The following RMI1 variants were observed in gnomAD, a reference collection of about 807,000 sequenced individuals.
RMI1 encodes the protein recQ-mediated genome instability protein 1.
In RMI1, 36 loss-of-function variants were observed where a neutral mutation model predicts 46.7. The observed-to-expected ratio is 0.77, with a 90% CI of 0.59 to 1.02. RMI1 has a LOEUF of 1.02. RMI1 is among the 50% of genes least tolerant of loss of function. RMI1 has a pLI of 0.00. For missense variants in RMI1, 676 were observed against 713.7 expected, an observed-to-expected ratio of 0.95 and a Z score of 0.60; for synonymous variants, 250 against 252.9, an observed-to-expected ratio of 0.99 and a Z score of 0.11.
chr9:83,993,647 A>AT (rs1957606527), intron 1 of RMI1, among the ~76,000 whole-genome samples: 3 of 151,968 alleles, frequency 2.0e-5, no homozygotes, highest in African/African-American at 7.2e-5. Context: ...AATACTTGTT[A>AT]TTTTCTGGTT....
Position 84,001,724 on chromosome 9 carries a change from A to T in RMI1, c.738A>T (p.Glu246Asp). ...CTGCATTAGGTCCTTCTGATGAAGA[A>T]CTCTTGGCAAGTCTTGATGAAAATG... is the stretch of plus-strand genomic sequence containing the variant. ...LDPALGPSDE[E>D]LLASLDENDE... Residue 246 changes from glutamate (E) to aspartate (D), a missense_variant, in exon 3 of 3, where the codon GAA becomes GAT. Physicochemically the swap from Glu to Asp is conservative, Grantham distance 45 (BLOSUM62 2). Coordinates refer to ENST00000445877, the MANE Select transcript of RMI1 (RefSeq NM_001358291.2). The T allele has an allele frequency of 6.2e-7, 1 of 1,613,892 alleles. No homozygotes were observed. Among genetic ancestry groups the T allele is most frequent in the Non-Finnish European group, 8.5e-7 (1 of 1,179,970 alleles).
In RMI1 at chr9:84,001,978, T is replaced by C; in HGVS notation, c.992T>C (p.Met331Thr). Residue 331 changes from methionine to threonine, a missense_variant, in exon 3 of 3, where the codon ATG becomes ACG. By Grantham distance (81) the Met-to-Thr change is moderately conservative. Transcript: ENST00000445877. ...LLEETVQKEQ[M>T]ETKELQPLTF... Reference sequence around the variant, plus strand: ...GAAGAAACTGTCCAGAAAGAACAGATGGAAACTAAGGAATTGCAACCATTG... The same window carrying C: ...GAAGAAACTGTCCAGAAAGAACAGACGGAAACTAAGGAATTGCAACCATTG... The C allele has an allele frequency of 6.2e-7, 1 of 1,613,802 alleles. No individual in the cohort carries two copies. Among genetic ancestry groups the C allele is most frequent in the Non-Finnish European group, 8.5e-7 (1 of 1,179,860 alleles).
rs1437122862 is a variant in RMI1, at chr9:84,002,430, A to T, written c.1444A>T (p.Ile482Phe). ...RSSENSINLS[I>F]AMDLYSPPFV... ...ATCAGAGAATAGCATTAATCTTTCTATTGCCATGGATTTGTATTCTCCACC... is the reference window on the plus strand; with the variant it reads ...ATCAGAGAATAGCATTAATCTTTCTTTTGCCATGGATTTGTATTCTCCACC... The change falls in exon 3 of 3, where the codon ATT (isoleucine) becomes TTT (phenylalanine). Residue 482 changes from isoleucine (I) to phenylalanine (F), a missense_variant. By Grantham distance (21) the Ile-to-Phe change is conservative. Coordinates refer to ENST00000445877, the MANE Select transcript of RMI1 (RefSeq NM_001358291.2). 2 of 1,613,804 alleles carry T rather than the reference A, an allele frequency of 1.2e-6. No individual in the cohort carries two copies. The highest frequency in any genetic ancestry group is 1.7e-6 in the Non-Finnish European group (2 of 1,179,876).
At chr9:83,988,777 ATAT>A (rs748189195) in intron 1 of RMI1, among the ~76,000 whole-genome samples, 2 of 152,222 alleles carry the variant, frequency 1.3e-5, no homozygotes, top group Non-Finnish European at 2.9e-5. Flanking sequence ...ATGTCTAATA[ATAT>A]TGAACTGTTT....
chr9:83,986,954 C>T (rs1957499655), intron 1 of RMI1, among the ~76,000 whole-genome samples: 1 of 152,198 alleles, frequency 6.6e-6, no homozygotes, highest in Non-Finnish European at 1.5e-5. Context: ...GAAAATTATA[C>T]TAGGTCCATT....
At chr9:83,988,927 G>C (rs1383774430) in intron 1 of RMI1, among the ~76,000 whole-genome samples, 1 of 151,860 alleles carries the variant, frequency 6.6e-6, no homozygotes, top group Non-Finnish European at 1.5e-5. Context: ...TGTGACCTTG[G>C]CTCACTGCTG....
At position 83,981,949 on chromosome 9, in the gene RMI1, G is replaced by C. The variant is rs59992031; in HGVS notation, c.-126+1058G>C. Among the ~76,000 whole-genome samples, 750 of 152,292 alleles carry C rather than the reference G, an allele frequency of 4.9e-3. 5 individuals are homozygous for C. The highest frequency in any genetic ancestry group is 0.017 in the African/African-American group (722 of 41,564). On this transcript the variant is annotated intron_variant, in intron 1 of 2. Transcript: ENST00000445877. ...ATTCTGGGAGGATACGTTAACACAT[G>C]CTGTTAGAACATAATGTCCGGGATT...
rs146826910 is a variant in RMI1, at chr9:84,001,940, G to C, written c.954G>C (p.Glu318Asp). 35 of 1,613,932 alleles carry C rather than the reference G, an allele frequency of 2.2e-5. No individual in the cohort carries two copies. Among genetic ancestry groups the C allele is most frequent in the Non-Finnish European group, 3.0e-5 (35 of 1,179,978 alleles). Residue 318 changes from glutamate to aspartate, a missense_variant, in exon 3 of 3, where the codon GAG (glutamate) becomes GAC (aspartate). By Grantham distance (45) the Glu-to-Asp change is conservative (BLOSUM62 2). Transcript: ENST00000445877. ...AATTAGATGACTTTTCACTGGAGGA[G>C]GCCTTGCTTTTAGAAGAAACTGTCC... ...DGELDDFSLE[E>D]ALLLEETVQK...
intron 1 of RMI1, among the ~76,000 whole-genome samples, chr9:83,983,723 TC>T (rs1957451563): frequency 6.6e-6 from 1 of 152,040 alleles, no homozygotes; most frequent in Admixed American, 6.6e-5. Flanking sequence ...TTTGTTCAGT[TC>T]CTGGCAGTAC....
chr9:83,997,259 G>A (rs1031870150), intron 1 of RMI1, among the ~76,000 whole-genome samples: 2 of 151,666 alleles, frequency 1.3e-5, no homozygotes, highest in Non-Finnish European at 2.9e-5. Flanking sequence ...TTACAGGCAT[G>A]CGCCACCACA....
In RMI1 at chr9:84,001,429, G is replaced by A. The variant is rs756364458; in HGVS notation, c.443G>A (p.Gly148Glu). Residue 148 changes from glycine (G) to glutamate (E), a missense_variant, in exon 3 of 3, where the codon GGA (glycine) becomes GAA (glutamate). Physicochemically the swap from Gly to Glu is moderately conservative, Grantham distance 98. Coordinates refer to ENST00000445877, the MANE Select transcript of RMI1 (RefSeq NM_001358291.2). ...ACTGATGGAATCGTACAAATACAGG[G>A]AATGGAATATCAGCCTATTCCAATT... Reference protein sequence around the residue: ...QLTDGIVQIQGMEYQPIPILH... With the variant: ...QLTDGIVQIQEMEYQPIPILH... 11 of 1,614,066 alleles carry A rather than the reference G, an allele frequency of 6.8e-6. No homozygotes were observed. The Admixed American group carries it at 1.3e-4, about 20-fold the overall frequency.
chr9:83,997,694 A>G (rs1039632703), intron 1 of RMI1, among the ~76,000 whole-genome samples: 3 of 152,124 alleles, frequency 2.0e-5, no homozygotes, highest in Non-Finnish European at 4.4e-5. Flanking sequence ...ACCATGATTC[A>G]GTCACCTCCT....
At position 84,002,022 on chromosome 9, in the gene RMI1, G is replaced by T. The variant is rs868282159; in HGVS notation, c.1036G>T (p.Asp346Tyr). The T allele has an allele frequency of 1.2e-6, 2 of 1,613,824 alleles. No homozygotes were observed. Among genetic ancestry groups the T allele is most frequent in the East Asian group, 2.2e-5 (1 of 44,870 alleles). Residue 346 changes from aspartate (D) to tyrosine (Y), a missense_variant, in exon 3 of 3, where the codon GAT becomes TAT. Asp to Tyr is a radical substitution (Grantham distance 160). Transcript: ENST00000445877. ...ACCATTGACTTTTAACAGAAATGCC[G>T]ATCGAAGTATAGAGAGATTTTCACA... ...LQPLTFNRNA[D>Y]RSIERFSHNP...
At chr9:83,994,630 C>T (rs934287382) in intron 1 of RMI1, among the ~76,000 whole-genome samples, 3 of 152,112 alleles carry the variant, frequency 2.0e-5, no homozygotes, top group Non-Finnish European at 4.4e-5. Flanking sequence ...GTGATCCTCC[C>T]ACCTCAGCCT....
At chr9:83,984,331 G>A (rs935442874) in intron 1 of RMI1, among the ~76,000 whole-genome samples, 4 of 150,454 alleles carry the variant, frequency 2.7e-5, no homozygotes, top group Non-Finnish European at 4.4e-5. Flanking sequence ...GTGCAGTGGC[G>A]CAATCTCGGC....
At chr9:83,992,217 C>T (rs982327250) in intron 1 of RMI1, among the ~76,000 whole-genome samples, 4 of 152,148 alleles carry the variant, frequency 2.6e-5, no homozygotes, top group Non-Finnish European at 5.9e-5. Flanking sequence ...TTATAAAATA[C>T]ACTGTTTTGT....
intron 1 of RMI1, among the ~76,000 whole-genome samples, chr9:83,997,092 A>G (rs1228885795): frequency 7.2e-6 from 1 of 138,866 alleles, no homozygotes; most frequent in Non-Finnish European, 1.5e-5. Context: ...GGTAGAGGTA[A>G]GTCCAACACC....
intron 1 of RMI1, among the ~76,000 whole-genome samples, chr9:83,998,138 G>A (rs1007263899): frequency 7.9e-5 from 12 of 152,146 alleles, no homozygotes; most frequent in East Asian, 3.8e-4. Flanking sequence ...GAGAGCTGGC[G>A]TGGAGATTTG....
Position 84,002,888 on chromosome 9 carries a change from C to T in RMI1, c.*24C>T. The T allele has an allele frequency of 1.6e-6, 2 of 1,259,372 alleles. No individual in the cohort carries two copies. The highest frequency in any genetic ancestry group is 2.2e-6 in the Non-Finnish European group (2 of 912,608). 78.0% of individuals were successfully genotyped at this position (1,259,372 alleles called of 1,614,324 possible). ...AATTAAACTAAAATAGTATTAGGAA[C>T]AATTAAAAACAACAAGGAAATATTT... is the stretch of plus-strand genomic sequence containing the variant. On this transcript the variant is annotated 3_prime_UTR_variant, in exon 3 of 3. Coordinates refer to ENST00000445877, the MANE Select transcript of RMI1 (RefSeq NM_001358291.2).
Sources: allele counts gnomAD v4.1 joint callset (sites outside exome capture counted in the v4.1 genomes callset), GRCh38; gene constraint gnomAD v4.1.1; transcripts MANE v1.5; gene names NCBI Gene and HGNC (gene_info 2026-07-23, HGNC 2026-07-21).